Variants in SEMA3A observed in about 807,000 individuals in gnomAD.
SEMA3A encodes semaphorin-3A.
Under a neutral mutation model 97.9 loss-of-function variants are expected in SEMA3A, and 29 were observed. That is an observed-to-expected ratio of 0.30 (90% CI 0.22 to 0.40). The LOEUF (loss-of-function observed/expected upper bound fraction) is 0.40. Ranked by LOEUF, SEMA3A falls within the 10% of genes least tolerant of loss-of-function variation. SEMA3A has a pLI of 1.00. For missense variants in SEMA3A, 763 were observed against 951.3 expected (o/e 0.80, Z 2.60); for synonymous variants, 321 against 323.7 (o/e 0.99, Z 0.09).
intron 3 of SEMA3A, among the ~76,000 whole-genome samples, chr7:84,228,578 T>C (rs534869192): frequency 8.8e-4 from 134 of 152,232 alleles, no homozygotes; most frequent in African/African-American, 3.0e-3. Flanking sequence ...CATAAAAATT[T>C]ATCTGTCAAT....
At chr7:84,188,994 A>G (rs1296690174) in intron 1 of SEMA3A, among the ~76,000 whole-genome samples, 1 of 151,832 alleles carries the variant, frequency 6.6e-6, no homozygotes, top group African/African-American at 2.4e-5. Flanking sequence ...CCCATTTCCA[A>G]ATTAATGAAA....
chr7:83,977,782 C>A (rs1287911028), intron 14 of SEMA3A, among the ~76,000 whole-genome samples: 2 of 134,900 alleles, frequency 1.5e-5, no homozygotes, highest in African/African-American at 2.7e-5. Flanking sequence ...ATTGTATCAA[C>A]CTATCCTTTT....
chr7:84,463,322 C>T (rs1315410063), intron 1 of SEMA3A, among the ~76,000 whole-genome samples: 2 of 141,302 alleles, frequency 1.4e-5, no homozygotes, highest in Non-Finnish European at 3.0e-5. Context: ...AATCTCGGCT[C>T]ACTGCAACCT....
intron 1 of SEMA3A, among the ~76,000 whole-genome samples, chr7:84,143,949 T>TCTCTC (rs1562810204): frequency 4.9e-5 from 2 of 40,488 alleles, no homozygotes; most frequent in African/African-American, 1.1e-4. Context: ...TCTCTCTCTC[T>TCTCTC]AACACACACA....
intron 3 of SEMA3A, among the ~76,000 whole-genome samples, chr7:84,299,228 A>G (rs1255786949): frequency 2.2e-5 from 3 of 139,380 alleles, no homozygotes; most frequent in Admixed American, 7.4e-5. Flanking sequence ...TTTCATAAAG[A>G]TATAAAACAG....
At chr7:84,454,029 T>G (rs1282959440) in intron 1 of SEMA3A, among the ~76,000 whole-genome samples, 2 of 152,208 alleles carry the variant, frequency 1.3e-5, no homozygotes, top group African/African-American at 4.8e-5. Context: ...CCACAATACA[T>G]GTGCTACTGT....
At chr7:84,468,560 A>G (rs939512087) in intron 1 of SEMA3A, among the ~76,000 whole-genome samples, 1 of 152,266 alleles carries the variant, frequency 6.6e-6, no homozygotes, top group African/African-American at 2.4e-5. Flanking sequence ...GTTGTTATCA[A>G]CTATTAAAGT....
At chr7:84,059,852 T>C (rs1415651652) in intron 5 of SEMA3A, among the ~76,000 whole-genome samples, 2 of 152,072 alleles carry the variant, frequency 1.3e-5, no homozygotes, top group Non-Finnish European at 2.9e-5. Flanking sequence ...TTTTTGTTTG[T>C]GTATTTAGTT....
chr7:84,211,382 G>A (rs1295749378), intron 3 of SEMA3A, among the ~76,000 whole-genome samples: 13 of 151,918 alleles, frequency 8.6e-5, no homozygotes, highest in African/African-American at 1.9e-4. Context: ...AGGCCAAGGC[G>A]GGTGGATCAT....
intron 1 of SEMA3A, among the ~76,000 whole-genome samples, chr7:84,467,836 C>T (rs933283657): frequency 7.2e-5 from 11 of 152,078 alleles, no homozygotes; most frequent in Admixed American, 1.3e-4. Context: ...TTAACCTCAC[C>T]AAAAGACTTA....
chr7:84,031,252 A>C (rs555195348), intron 6 of SEMA3A, among the ~76,000 whole-genome samples: 1 of 151,760 alleles, frequency 6.6e-6, no homozygotes, highest in East Asian at 1.9e-4. Context: ...CAGCCTCCCA[A>C]ATTGCTGGGA....
chr7:84,406,824 A>C (rs1345782362), intron 1 of SEMA3A, among the ~76,000 whole-genome samples: 1 of 152,246 alleles, frequency 6.6e-6, no homozygotes, highest in Non-Finnish European at 1.5e-5. Flanking sequence ...CAATAGATGC[A>C]GAAAAGGCCT....
chr7:84,168,971 A>C (rs7804558), intron 1 of SEMA3A, among the ~76,000 whole-genome samples: 9,750 of 151,762 alleles, frequency 0.064, 663 homozygotes, highest in African/African-American at 0.17. Flanking sequence ...AACATACATT[A>C]ATGTCACCTG....
At chr7:84,209,463 T>A (rs76615849) in intron 3 of SEMA3A, among the ~76,000 whole-genome samples, 11 of 152,320 alleles carry the variant, frequency 7.2e-5, no homozygotes, top group Middle Eastern at 3.4e-3. Flanking sequence ...TAACCAATTA[T>A]GTGTTGAGTT....
In SEMA3A at chr7:84,007,467, C is replaced by CT; in HGVS notation, c.1025_1026insA (p.Met342IlefsTer3). ...CCCTTCTCACATCACTCATGCTATACATACACACGGCTGATCCCTTGAAAA... is the reference window on the plus strand; with the variant it reads ...CCCTTCTCACATCACTCATGCTATACTATACACACGGCTGATCCCTTGAAAA... On this transcript the variant is annotated frameshift_variant, in exon 10 of 17. Coordinates refer to ENST00000265362, the MANE Select transcript of SEMA3A (RefSeq NM_006080.3). LOFTEE classifies it high-confidence loss of function. The CT allele has an allele frequency of 6.3e-7, 1 of 1,596,770 alleles. No individual in the cohort carries two copies. Among genetic ancestry groups the CT allele is most frequent in the Non-Finnish European group, 8.5e-7 (1 of 1,171,374 alleles).
At chr7:84,107,647 T>C (rs1024828160) in intron 4 of SEMA3A, among the ~76,000 whole-genome samples, 7 of 152,142 alleles carry the variant, frequency 4.6e-5, no homozygotes, top group African/African-American at 1.7e-4. Flanking sequence ...TCCTGGTAAA[T>C]GGCCTGGCTC....
chr7:84,232,149 T>C (rs1799129977), intron 3 of SEMA3A, among the ~76,000 whole-genome samples: 1 of 151,130 alleles, frequency 6.6e-6, no homozygotes, highest in African/African-American at 2.4e-5. Flanking sequence ...CTTATTAATA[T>C]CTGTCAAAAT....
At position 84,143,949 on chromosome 7, in the gene SEMA3A, TAACACACACA is replaced by T. The variant is rs1452579362; in HGVS notation, c.113-9008_113-8999del. Among the ~76,000 whole-genome samples, 140 of 40,458 alleles carry T rather than the reference TAACACACACA, an allele frequency of 3.5e-3. No homozygotes were observed. The East Asian group carries it at 0.04, about 12-fold the overall frequency. The allele number at this position is 40,458 out of a possible 152,430, so 26.5% of individuals were successfully genotyped here. ...CTCTCTCTCTCTCTCTCTCTCTCTC[TAACACACACA>T]CACACACACACACACACACACACAC... On this transcript the variant is annotated intron_variant, in intron 1 of 16. Coordinates refer to ENST00000265362, the MANE Select transcript of SEMA3A (RefSeq NM_006080.3).
rs920511582 is a variant in SEMA3A, at chr7:83,961,479, C to T, written c.2208G>A (p.Arg736=). The T allele has an allele frequency of 6.2e-7, 1 of 1,614,050 alleles. No individual in the cohort carries two copies. The highest frequency in any genetic ancestry group is 8.5e-7 in the Non-Finnish European group (1 of 1,179,940). ...TACTGTTCCCTGGGGTATGTCCTGG[C>T]CTTTGCCGACGTTGTTTTCGGTCCC... ...WKRDRKQRRQ[R]PGHTPGNSNK... Residue 736 remains arginine (R), a synonymous_variant, in exon 17 of 17, where the codon AGG becomes AGA. Coordinates refer to ENST00000265362, the MANE Select transcript of SEMA3A (RefSeq NM_006080.3).
Sources: gnomAD v4.1 joint callset for allele counts (sites outside exome capture counted in the v4.1 genomes callset) on GRCh38, gnomAD v4.1.1 for gene constraint, MANE v1.5 for transcripts, NCBI Gene and HGNC (gene_info 2026-07-23, HGNC 2026-07-21) for gene names.